DPYSL2: variants seen among roughly 807,000 people sequenced by gnomAD.
DPYSL2 encodes dihydropyrimidinase like 2, also known as dihydropyrimidinase-related protein 2.
Under a neutral mutation model 69.9 loss-of-function variants are expected in DPYSL2, and 13 were observed. That is an observed-to-expected ratio of 0.19 (90% CI 0.12 to 0.30). The LOEUF (loss-of-function observed/expected upper bound fraction) is 0.30, where lower values mean the gene tolerates loss of function less well. Among genes scored for constraint, DPYSL2 ranks in the 10% least tolerant of loss-of-function variants. DPYSL2 has a pLI of 1.00. For synonymous variants in DPYSL2, 326 were observed against 359.1 expected (o/e 0.91, Z 1.04); for missense variants, 587 against 918.9 (o/e 0.64, Z 4.67).
chr8:26,589,129 G>A (rs950052188), intron 3 of DPYSL2, among the ~76,000 whole-genome samples: 1 of 152,150 alleles, frequency 6.6e-6, no homozygotes, highest in Admixed American at 6.5e-5. Flanking sequence ...CCTCCACGAC[G>A]CGGCCTATTC....
intron 1 of DPYSL2, chr8:26,547,832 A>G: frequency 2.8e-6 from 1 of 354,280 alleles, no homozygotes; most frequent in Non-Finnish European, 5.9e-6. Flanking sequence ...AAAGTCATAT[A>G]TCTGAATCAG....
rs180685125 is a variant in DPYSL2, at chr8:26,590,752, G to T, written c.628+6769G>T. ...TCTAATGCCTGGCACTGAGCAGAGCGGAGGGATCTCCTAATGCCTGGTGCG... is the reference window on the plus strand; with the variant it reads ...TCTAATGCCTGGCACTGAGCAGAGCTGAGGGATCTCCTAATGCCTGGTGCG... On this transcript the variant is annotated intron_variant, in intron 3 of 13. Transcript: ENST00000521913. 1.5e-4 allele frequency among the ~76,000 whole-genome samples: 23 copies of T among 152,372 alleles called. No homozygotes were observed. The East Asian group carries it at 3.5e-3, about 23-fold the overall frequency.
rs57765133 is a variant in DPYSL2, at chr8:26,536,672, AAAAC to A, written c.354+22013_354+22016del. On this transcript the variant is annotated intron_variant, in intron 1 of 13. Transcript: ENST00000521913. ...GGTGACAGAGAGAGACTCCATCTCAAAAACAAACAAACAAACAAACAAAACAGTA... is the reference window on the plus strand; with the variant it reads ...GGTGACAGAGAGAGACTCCATCTCAAAAACAAACAAACAAACAAAACAGTA... 2.1e-3 allele frequency among the ~76,000 whole-genome samples: 316 copies of A among 151,542 alleles called. 1 individual carries two copies. The highest frequency in any genetic ancestry group is 3.7e-3 in the Non-Finnish European group (248 of 67,912).
At chr8:26,558,357 T>C (rs950889596) in intron 1 of DPYSL2, among the ~76,000 whole-genome samples, 2 of 152,194 alleles carry the variant, frequency 1.3e-5, no homozygotes, top group Non-Finnish European at 2.9e-5. Context: ...CTACATAATG[T>C]GATTCCAACT....
intron 3 of DPYSL2, among the ~76,000 whole-genome samples, chr8:26,596,659 C>A (rs1044492887): frequency 1.3e-5 from 2 of 152,200 alleles, no homozygotes; most frequent in African/African-American, 4.8e-5. Context: ...TTCCATCAAC[C>A]CCGAAGATAG....
intron 7 of DPYSL2, among the ~76,000 whole-genome samples, chr8:26,628,897 T>C (rs1802676288): frequency 6.6e-6 from 1 of 152,124 alleles, no homozygotes; most frequent in East Asian, 1.9e-4. Flanking sequence ...GTTTGGGATG[T>C]GGTCATGTTC....
chr8:26,544,238 T>G (rs1032590232), intron 1 of DPYSL2, among the ~76,000 whole-genome samples: 1 of 152,166 alleles, frequency 6.6e-6, no homozygotes, highest in African/African-American at 2.4e-5. Context: ...AGACAATGCA[T>G]GGACATAAGG....
chr8:26,611,623 C>A (rs982208093), intron 3 of DPYSL2, among the ~76,000 whole-genome samples: 1 of 152,154 alleles, frequency 6.6e-6, no homozygotes, highest in East Asian at 1.9e-4. Context: ...ACAGAGATGT[C>A]GCCCCACACT....
chr8:26,534,893 A>C (rs542486255), intron 1 of DPYSL2, among the ~76,000 whole-genome samples: 1 of 152,140 alleles, frequency 6.6e-6, no homozygotes, highest in Non-Finnish European at 1.5e-5. Flanking sequence ...TCAGCCTCCC[A>C]AAACACTGGG....
intron 1 of DPYSL2, among the ~76,000 whole-genome samples, chr8:26,541,655 T>C (rs2053536): frequency 0.87 from 132,500 of 152,240 alleles, 58,118 homozygotes; most frequent in East Asian, 0.99. Context: ...AAAGAAGCAT[T>C]CTTTGTCTAC....
At chr8:26,549,349 G>A (rs1030809524) in intron 1 of DPYSL2, among the ~76,000 whole-genome samples, 2 of 151,838 alleles carry the variant, frequency 1.3e-5, no homozygotes, top group African/African-American at 4.8e-5. Context: ...AGAAATGTCA[G>A]TAGAAACTTC....
chr8:26,520,572 AT>A (rs1563372675), intron 1 of DPYSL2, among the ~76,000 whole-genome samples: 1 of 151,444 alleles, frequency 6.6e-6, no homozygotes, highest in South Asian at 2.1e-4. Flanking sequence ...TCTGTCTATC[AT>A]TTTTTAAAAC....
Position 26,644,163 on chromosome 8 carries a change from C to T in DPYSL2, c.1425+72C>T. 3 of 1,541,420 alleles carry T rather than the reference C, an allele frequency of 1.9e-6. No homozygotes were observed. Among genetic ancestry groups the T allele is most frequent in the African/African-American group, 1.4e-5 (1 of 73,142 alleles). ...TCCTCCTCATCTGGGGGCCATGGGG[C>T]TCATGGAGGCCTTGAAATGACAGAC... On this transcript the variant is annotated intron_variant, in intron 10 of 13. Transcript: ENST00000521913. The surrounding 1 kb of genome is among the most constrained non-coding windows in gnomAD (Gnocchi z 4.5).
intron 1 of DPYSL2, among the ~76,000 whole-genome samples, chr8:26,556,050 G>T: frequency 2.5e-5 from 2 of 80,952 alleles, no homozygotes; most frequent in East Asian, 3.2e-4. Flanking sequence ...ATAGTTTATA[G>T]TATATATAAA....
chr8:26,546,566 CAGTGAGAAAGCTTCT>C (rs987600418), intron 1 of DPYSL2, among the ~76,000 whole-genome samples: 5 of 152,160 alleles, frequency 3.3e-5, no homozygotes, highest in African/African-American at 4.8e-5. Flanking sequence ...AATTGGGATT[CAGTGAGAAAGCTTCT>C]AGTTTCTTAT....
At chr8:26,553,928 T>C (rs4871987) in intron 1 of DPYSL2, among the ~76,000 whole-genome samples, 92,245 of 141,482 alleles carry the variant, frequency 0.65, 30,931 homozygotes, top group East Asian at 0.9. Context: ...AGACGGAGTC[T>C]CACTCTGCCA....
chr8:26,558,726 T>C (rs1801028483), intron 1 of DPYSL2, among the ~76,000 whole-genome samples: 2 of 152,194 alleles, frequency 1.3e-5, no homozygotes, highest in Non-Finnish European at 2.9e-5. Flanking sequence ...TATGGGAATC[T>C]TGTTACTTTC....
chr8:26,575,150 T>A (rs923180314), intron 1 of DPYSL2, among the ~76,000 whole-genome samples: 9 of 152,152 alleles, frequency 5.9e-5, no homozygotes, highest in African/African-American at 2.2e-4. Flanking sequence ...GCCAGCCTAG[T>A]CTCTAATATT....
At chr8:26,569,377 C>CAAA (rs1316731457) in intron 1 of DPYSL2, among the ~76,000 whole-genome samples, 1,590 of 126,116 alleles carry the variant, frequency 0.013, 31 homozygotes, top group East Asian at 0.024. Context: ...AAAACAAAAA[C>CAAA]AAAAAAAAAC....
Sources: allele counts gnomAD v4.1 joint callset (sites outside exome capture counted in the v4.1 genomes callset), GRCh38; gene constraint gnomAD v4.1.1; non-coding constraint Gnocchi (gnomAD v3.1); transcripts MANE v1.5; gene names NCBI Gene and HGNC (gene_info 2026-07-23, HGNC 2026-07-21).